LTBP2: variants seen among roughly 807,000 people sequenced by gnomAD.
LTBP2 encodes the protein latent-transforming growth factor beta-binding protein 2.
Under a neutral mutation model 210.6 loss-of-function variants are expected in LTBP2, and 103 were observed. The ratio of observed to expected loss-of-function variants is 0.49; its 90% CI spans 0.42 to 0.58. LTBP2 has a LOEUF of 0.58. Among genes scored for constraint, LTBP2 ranks in the 20% least tolerant of loss-of-function variants. The pLI, the probability that LTBP2 is intolerant of heterozygous loss-of-function variation, is 0.00. For synonymous variants in LTBP2, 1,007 were observed against 1,015.0 expected (o/e 0.99, Z 0.15); for missense variants, 2,313 against 2,494.5 (o/e 0.93, Z 1.55).
chr14:74,557,604 G>C (rs1166636298), intron 3 of LTBP2, among the ~76,000 whole-genome samples: 1 of 152,104 alleles, frequency 6.6e-6, no homozygotes, highest in African/African-American at 2.4e-5. Context: ...CATCTTAACT[G>C]CTTGAATTGT....
chr14:74,552,882 A>G lies in LTBP2; in HGVS notation c.1192+10T>C. 3.7e-6 allele frequency: 6 copies of G among 1,610,724 alleles called. No individual in the cohort carries two copies. The highest frequency in any genetic ancestry group is 5.1e-6 in the Non-Finnish European group (6 of 1,178,752). ...CAGCTGGGAACCATCTGAGCAGGAA[A>G]GGGACTCACAGATGCGGAAGCCAGA... is the stretch of plus-strand genomic sequence containing the variant. On this transcript the variant is annotated intron_variant, in intron 5 of 35. Coordinates refer to ENST00000261978, the MANE Select transcript of LTBP2 (RefSeq NM_000428.3).
chr14:74,521,101 G>C (rs1362892760), intron 17 of LTBP2, among the ~76,000 whole-genome samples: 4 of 152,194 alleles, frequency 2.6e-5, no homozygotes, highest in Admixed American at 2.0e-4. Context: ...GACCTGGATG[G>C]CTTTGGTTTC....
At chr14:74,576,051 G>A (rs1357380793) in intron 3 of LTBP2, among the ~76,000 whole-genome samples, 4 of 152,164 alleles carry the variant, frequency 2.6e-5, no homozygotes, top group African/African-American at 7.2e-5. Flanking sequence ...CAGCACTCCT[G>A]AGGGTCTGTC....
At chr14:74,526,977 G>T (rs2087281253) in intron 13 of LTBP2, among the ~76,000 whole-genome samples, 1 of 152,188 alleles carries the variant, frequency 6.6e-6, no homozygotes, top group Non-Finnish European at 1.5e-5. Flanking sequence ...AGCGCAGAAA[G>T]TGCCAGACCC....
At chr14:74,524,145 C>T (rs867987461) in intron 15 of LTBP2, among the ~76,000 whole-genome samples, 17 of 152,118 alleles carry the variant, frequency 1.1e-4, no homozygotes, top group African/African-American at 3.9e-4. Context: ...TGCCCCCTGC[C>T]CCCTGCTTCC....
intron 8 of LTBP2, among the ~76,000 whole-genome samples, chr14:74,544,992 G>A (rs915458206): frequency 1.3e-5 from 2 of 152,124 alleles, no homozygotes; most frequent in African/African-American, 4.8e-5. Context: ...ACGCAGGCCG[G>A]GGCTACATGT....
chr14:74,545,579 C>T (rs563322963), intron 8 of LTBP2, among the ~76,000 whole-genome samples: 79 of 152,352 alleles, frequency 5.2e-4, no homozygotes, highest in Admixed American at 1.6e-3. Context: ...GTGCCAGCCC[C>T]GCCTGTCCCA....
At chr14:74,542,206 T>C (rs2087516703) in intron 8 of LTBP2, among the ~76,000 whole-genome samples, 6 of 152,196 alleles carry the variant, frequency 3.9e-5, no homozygotes, top group Admixed American at 3.9e-4. Flanking sequence ...CATATGGTCT[T>C]CTGATTCCCT....
chr14:74,501,019 C>T lies in LTBP2; in HGVS notation c.5331G>A (p.Glu1777=). ...CAGCAGGCCCGTTCAAGTCATCACA[C>T]TCATTCACATCTAAGAGGAAACAAA... ...AAHMACVDVN[E]CDDLNGPAVL... The change falls in exon 36 of 36, where the codon GAG becomes GAA. Residue 1777 remains glutamate, a synonymous_variant. Transcript: ENST00000261978. The T allele has an allele frequency of 1.2e-6, 2 of 1,613,796 alleles. No homozygotes were observed. The highest frequency in any genetic ancestry group is 1.1e-5 in the South Asian group (1 of 90,988).
chr14:74,543,552 CCCTT>C (rs2087540843), intron 8 of LTBP2, among the ~76,000 whole-genome samples: 2 of 66,676 alleles, frequency 3.0e-5, no homozygotes, highest in Admixed American at 1.5e-4. Flanking sequence ...CTCCCTCCCT[CCCTT>C]CCTTCCTCCC....
intron 2 of LTBP2, among the ~76,000 whole-genome samples, chr14:74,602,697 G>A (rs2088465188): frequency 6.6e-6 from 1 of 152,248 alleles, no homozygotes; most frequent in Non-Finnish European, 1.5e-5. Flanking sequence ...TACCATCAGT[G>A]GAAGAGGCTC....
At chr14:74,548,028 TA>T (rs2087600647) in intron 8 of LTBP2, among the ~76,000 whole-genome samples, 1 of 151,976 alleles carries the variant, frequency 6.6e-6, no homozygotes, top group Non-Finnish European at 1.5e-5. Flanking sequence ...CCCCATTACT[TA>T]ACTGTCCTAC....
intron 28 of LTBP2, 37 bp downstream of exon 28, chr14:74,506,011 C>A: frequency 6.2e-7 from 1 of 1,613,590 alleles, no homozygotes; most frequent in Non-Finnish European, 8.5e-7. Flanking sequence ...CTGTAAACCT[C>A]TGAGTCACCA....
chr14:74,572,602 C>T (rs2139774009), intron 3 of LTBP2, among the ~76,000 whole-genome samples: 1 of 152,184 alleles, frequency 6.6e-6, no homozygotes, highest in African/African-American at 2.4e-5. Context: ...AATCAGAAAC[C>T]TCCTTTATGT....
At chr14:74,538,467 C>A (rs2087451068) in intron 8 of LTBP2, among the ~76,000 whole-genome samples, 1 of 151,774 alleles carries the variant, frequency 6.6e-6, no homozygotes, top group African/African-American at 2.4e-5. Context: ...AGTTTCTTTG[C>A]AGGAGCTTTT....
chr14:74,513,027 G>A (rs1265611904), intron 18 of LTBP2, among the ~76,000 whole-genome samples: 4 of 152,216 alleles, frequency 2.6e-5, no homozygotes, highest in Non-Finnish European at 5.9e-5. Flanking sequence ...TGAAGAGAAC[G>A]AGATTGAGGC....
In LTBP2 at chr14:74,567,512, C is replaced by T. The variant is rs537848975; in HGVS notation, c.831-11819G>A. On this transcript the variant is annotated intron_variant, in intron 3 of 35. Coordinates refer to ENST00000261978, the MANE Select transcript of LTBP2 (RefSeq NM_000428.3). ...AGGTTCTCAGGGCTCCAGGAAATGCCCCTCATTTTCTCCCTAGCTTGCCCA... is the reference window on the plus strand; with the variant it reads ...AGGTTCTCAGGGCTCCAGGAAATGCTCCTCATTTTCTCCCTAGCTTGCCCA... Among the ~76,000 whole-genome samples, 18 of 152,198 alleles carry T rather than the reference C, an allele frequency of 1.2e-4. No individual in the cohort carries two copies. In the South Asian group the frequency reaches 3.7e-3, roughly 32 times the overall value.
chr14:74,574,978 C>T (rs56110896), intron 3 of LTBP2, among the ~76,000 whole-genome samples: 129 of 151,842 alleles, frequency 8.5e-4, no homozygotes, highest in Admixed American at 1.8e-3. Context: ...GGCCTGAGCT[C>T]GGCATCCTCA....
Position 74,586,199 on chromosome 14 carries a change from G to T in LTBP2, c.566-81C>A. ...CTGCCCACACCTTCCTGTCAGAAGG[G>T]CCCTCCTGAGTGCTGCAACCCTGTC... On this transcript the variant is annotated intron_variant, in intron 2 of 35. Transcript: ENST00000261978. This position sits in a 1 kb window ranked among gnomAD's most constrained non-coding sequence, Gnocchi z 4.6. 4.1e-6 allele frequency: 6 copies of T among 1,464,472 alleles called. No individual in the cohort carries two copies. Among genetic ancestry groups the T allele is most frequent in the African/African-American group, 1.4e-5 (1 of 71,650 alleles). 90.7% of individuals were successfully genotyped at this position (1,464,472 alleles called of 1,614,324 possible).
Sources: allele counts gnomAD v4.1 joint callset (sites outside exome capture counted in the v4.1 genomes callset), GRCh38; gene constraint gnomAD v4.1.1; non-coding constraint Gnocchi (gnomAD v3.1); transcripts MANE v1.5; gene names NCBI Gene and HGNC (gene_info 2026-07-23, HGNC 2026-07-21).